PABIR3: variants seen among roughly 807,000 people sequenced by gnomAD.
PABIR3 encodes the protein PABIR family member 1.
PABIR3 carries 20 observed loss-of-function variants against 23.1 expected under a neutral mutation model. The ratio of observed to expected loss-of-function variants is 0.86; its 90% CI spans 0.61 to 1.26. The LOEUF (loss-of-function observed/expected upper bound fraction) is 1.26, where lower values mean the gene tolerates loss of function less well. PABIR3 is among the 50% of genes most tolerant of loss of function. PABIR3 has a pLI of 0.00. For missense variants in PABIR3, 189 were observed against 195.4 expected, an observed-to-expected ratio of 0.97 and a Z score of 0.20; for synonymous variants, 69 against 68.5, an observed-to-expected ratio of 1.01 and a Z score of -0.04.
chrX:134,801,454 C>T (rs2080062119), intron 1 of PABIR3, among the ~76,000 whole-genome samples: 1 of 112,425 alleles, frequency 8.9e-6, no homozygotes, highest in South Asian at 3.6e-4. Context: ...AGCAGAAAGC[C>T]CCCATTCAGC....
chrX:134,828,802 G>A (rs2081632410), intron 3 of PABIR3, among the ~76,000 whole-genome samples: 1 of 111,494 alleles, frequency 9.0e-6, no homozygotes, highest in Non-Finnish European at 1.9e-5. Context: ...ATGATTTTTG[G>A]GCAGTATGCT....
chrX:134,828,047 C>CTATATA (rs61129426), intron 3 of PABIR3, among the ~76,000 whole-genome samples: 523 of 49,375 alleles, frequency 0.011, 8 homozygotes, highest in Middle Eastern at 0.015. Context: ...CTCTCTCTCT[C>CTATATA]TATATATATA....
intron 4 of PABIR3, among the ~76,000 whole-genome samples, chrX:134,842,910 A>AT (rs1290849052): frequency 9.3e-6 from 1 of 107,146 alleles, no homozygotes. Context: ...AAAAAAAAAA[A>AT]GCATTAATTT....
intron 3 of PABIR3, among the ~76,000 whole-genome samples, chrX:134,828,033 C>CTATA (rs1363732617): frequency 2.9e-5 from 2 of 69,562 alleles, no homozygotes; most frequent in African/African-American, 5.0e-5. Flanking sequence ...CTCTCTCTCT[C>CTATA]TCTCTCTCTC....
At chrX:134,799,580 A>G (rs1221297748) in intron 1 of PABIR3, among the ~76,000 whole-genome samples, 1 of 112,204 alleles carries the variant, frequency 8.9e-6, no homozygotes, top group Non-Finnish European at 1.9e-5. Flanking sequence ...GGACTTTCTG[A>G]CTTGGACATC....
At chrX:134,862,171 A>G in the PABIR3 span, among the ~76,000 whole-genome samples, 2 of 67,130 alleles carry the variant, frequency 3.0e-5, no homozygotes, top group Non-Finnish European at 5.1e-5. Flanking sequence ...TTTTTTTGAG[A>G]CAGAGTTTCA....
intron 6 of PABIR3, among the ~76,000 whole-genome samples, chrX:134,846,412 T>C (rs2082437375): frequency 1.8e-5 from 2 of 112,163 alleles, no homozygotes; most frequent in African/African-American, 6.5e-5. Context: ...GAATTTAGTT[T>C]CATCTCTTGT....
intron 2 of PABIR3, among the ~76,000 whole-genome samples, chrX:134,813,561 C>T (rs935892685): frequency 8.9e-6 from 1 of 111,749 alleles, no homozygotes; most frequent in African/African-American, 3.3e-5. Context: ...ATGAAGGGTA[C>T]ATGTGAACCA....
chrX:134,828,426 C>T (rs1184010268), intron 3 of PABIR3, among the ~76,000 whole-genome samples: 2 of 111,459 alleles, frequency 1.8e-5, no homozygotes, highest in African/African-American at 6.5e-5. Flanking sequence ...TCAATGTGCT[C>T]TTAAGATAGA....
intron 10 of PABIR3, 41 bp from the exon 11 acceptor site, chrX:134,854,050 C>T: frequency 8.3e-7 from 1 of 1,198,940 alleles, no homozygotes; most frequent in Admixed American, 2.2e-5. Context: ...AGAGAGATCT[C>T]TTGAGTTCTG....
rs751103295 is a variant in PABIR3 at position 134,838,505 on chromosome X, G to A, written c.247-6700G>A. ...ATTTTAGTAGAGACGGGGTTTCACC[G>A]TGTTAGCCAGGATGGTCTCGATCTC... On this transcript the variant is annotated intron_variant, in intron 4 of 10. Coordinates refer to ENST00000645433, the MANE Select transcript of PABIR3 (RefSeq NM_001388447.1). Among the ~76,000 whole-genome samples, 971 of 108,704 alleles carry A rather than the reference G, an allele frequency of 8.9e-3. 13 individuals carry two copies. The highest frequency in any genetic ancestry group is 0.031 in the African/African-American group (913 of 29,885). The allele number at this position is 108,704 out of a possible 115,157, so 94.4% of individuals were successfully genotyped here.
intron 3 of PABIR3, among the ~76,000 whole-genome samples, chrX:134,818,514 GA>G (rs1396278461): frequency 1.4e-4 from 16 of 112,040 alleles, no homozygotes; most frequent in African/African-American, 5.2e-4. Flanking sequence ...CAAACAGACT[GA>G]AAAGTGTCCT....
In PABIR3 at chrX:134,845,364, T is replaced by C. The variant is rs1383120820; in HGVS notation, c.308T>C (p.Ile103Thr). Residue 103 changes from isoleucine (I) to threonine (T), a missense_variant, in exon 6 of 11, where the codon ATA becomes ACA. Physicochemically the swap from Ile to Thr is moderately conservative, Grantham distance 89 (BLOSUM62 -1). Coordinates refer to ENST00000645433, the MANE Select transcript of PABIR3 (RefSeq NM_001388447.1). ...TMSEWKLQSEIQISHSWEEGL... is the reference protein window; with the variant it reads ...TMSEWKLQSETQISHSWEEGL... ...TTTTGTAGGAAGCTACAAAGTGAGATACAGATAAGTCACTCTTGGGAAGAA... is the reference window on the plus strand; with the variant it reads ...TTTTGTAGGAAGCTACAAAGTGAGACACAGATAAGTCACTCTTGGGAAGAA... 8.3e-7 allele frequency: 1 copy of C among 1,204,811 alleles called. No individual in the cohort carries two copies. Among genetic ancestry groups the C allele is most frequent in the Non-Finnish European group, 1.1e-6 (1 of 893,685 alleles).
chrX:134,849,134 T>A (rs2082535516), intron 8 of PABIR3, 33 bp from the exon 9 acceptor site: 4 of 806,589 alleles, frequency 5.0e-6, no homozygotes, highest in Non-Finnish European at 4.8e-6. Context: ...TTAAAAAAAA[T>A]TTCTTATAAT....
chrX:134,797,331 A>G, intron 1 of PABIR3: 1 of 113,435 alleles, frequency 8.8e-6, no homozygotes, highest in Non-Finnish European at 1.9e-5. Context: ...CCTCGATGGC[A>G]TTGGCCTGGG....
chrX:134,854,047 T>G, intron 10 of PABIR3, 44 bp from the exon 11 acceptor site: 1 of 1,189,227 alleles, frequency 8.4e-7, no homozygotes, highest in South Asian at 1.8e-5. Context: ...TACAGAGAGA[T>G]CTCTTGAGTT....
chrX:134,809,797 C>T (rs2080529568), intron 2 of PABIR3: 1 of 751,848 alleles, frequency 1.3e-6, no homozygotes, highest in African/African-American at 2.3e-5. Context: ...GTTCTGGCCA[C>T]TACTAACCAA....
chrX:134,811,926 T>G (rs757553971), intron 2 of PABIR3, among the ~76,000 whole-genome samples: 1 of 112,630 alleles, frequency 8.9e-6, no homozygotes, highest in African/African-American at 3.2e-5. Flanking sequence ...CTAAAATATT[T>G]ACTCTCTGGC....
At chrX:134,799,312 C>T (rs1428558572) in intron 1 of PABIR3, among the ~76,000 whole-genome samples, 8 of 111,523 alleles carry the variant, frequency 7.2e-5, no homozygotes, top group Non-Finnish European at 1.3e-4. Flanking sequence ...TGGCATTCTC[C>T]GGGAAGAAAA....
Sources: allele counts gnomAD v4.1 joint callset (sites outside exome capture counted in the v4.1 genomes callset), GRCh38; gene constraint gnomAD v4.1.1; transcripts MANE v1.5; gene names NCBI Gene and HGNC (gene_info 2026-07-23, HGNC 2026-07-21).